ATP6V1H: variants seen among roughly 807,000 people sequenced by gnomAD.
ATP6V1H encodes V-type proton ATPase subunit H.
Under a neutral mutation model 71.7 loss-of-function variants are expected in ATP6V1H, and 39 were observed. That is an observed-to-expected ratio of 0.54 (90% CI 0.42 to 0.71). The LOEUF (loss-of-function observed/expected upper bound fraction) is 0.71. Ranked by LOEUF, ATP6V1H falls within the 30% of genes least tolerant of loss-of-function variation. The pLI is 0.00. For synonymous variants in ATP6V1H, 192 were observed against 199.3 expected, an observed-to-expected ratio of 0.96 and a Z score of 0.31; for missense variants, 509 against 594.9, an observed-to-expected ratio of 0.86 and a Z score of 1.50.
At chr8:53,770,117 A>G (rs1233307380) in intron 10 of ATP6V1H, among the ~76,000 whole-genome samples, 3 of 152,138 alleles carry the variant, frequency 2.0e-5, no homozygotes, top group Non-Finnish European at 4.4e-5. Context: ...AGGCAAAATA[A>G]TATGTTATGT....
At chr8:53,718,287 A>G (rs1806493747) in intron 13 of ATP6V1H, among the ~76,000 whole-genome samples, 1 of 152,248 alleles carries the variant, frequency 6.6e-6, no homozygotes, top group African/African-American at 2.4e-5. Context: ...GAGAACGTAA[A>G]GACACATGCA....
intron 12 of ATP6V1H, among the ~76,000 whole-genome samples, chr8:53,750,237 A>C (rs2130220308): frequency 6.6e-6 from 1 of 152,332 alleles, no homozygotes; most frequent in East Asian, 1.9e-4. Flanking sequence ...TTACGAAAAC[A>C]AGTAATTGGA....
At chr8:53,718,359 T>C (rs1030785156) in intron 13 of ATP6V1H, among the ~76,000 whole-genome samples, 8 of 151,590 alleles carry the variant, frequency 5.3e-5, no homozygotes, top group African/African-American at 1.9e-4. Context: ...AGATATAAAT[T>C]ACAGGTAACA....
At chr8:53,747,038 A>G (rs993329147) in intron 12 of ATP6V1H, among the ~76,000 whole-genome samples, 4 of 152,254 alleles carry the variant, frequency 2.6e-5, no homozygotes, top group Non-Finnish European at 5.9e-5. Flanking sequence ...ATGAAACCAA[A>G]AAATGTAATT....
At position 53,820,272 on chromosome 8, in the gene ATP6V1H, T is replaced by C. The variant is rs571885547; in HGVS notation, c.307-2742A>G. Among the ~76,000 whole-genome samples, 3 of 151,760 alleles carry C rather than the reference T, an allele frequency of 2.0e-5. No homozygotes were observed. The South Asian group carries it at 6.2e-4, about 32-fold the overall frequency. On this transcript the variant is annotated intron_variant, in intron 4 of 13. Coordinates refer to ENST00000359530, the MANE Select transcript of ATP6V1H (RefSeq NM_015941.4). ...AGCAGTCTTGGAAAGGCATCATTTT[T>C]GAGAGATAATAAGGTTTAAAAAAAA... is the stretch of plus-strand genomic sequence containing the variant.
Position 53,829,537 on chromosome 8 carries a change from A to C in ATP6V1H, c.217-4T>G. The C allele has an allele frequency of 6.6e-7, 1 of 1,507,526 alleles. No homozygotes were observed. The highest frequency in any genetic ancestry group is 9.0e-7 in the Non-Finnish European group (1 of 1,115,494). The allele number at this position is 1,507,526 out of a possible 1,614,324, so 93.4% of individuals were successfully genotyped here. ...GATTTATAAATGTTTTAGCACACTAAAAAAAAAAATGAAATTAAAGTTATT... is the reference window on the plus strand; with the variant it reads ...GATTTATAAATGTTTTAGCACACTACAAAAAAAAATGAAATTAAAGTTATT... On this transcript the variant is annotated splice_polypyrimidine_tract_variant and splice_region_variant and intron_variant, in intron 3 of 13. Coordinates refer to ENST00000359530, the MANE Select transcript of ATP6V1H (RefSeq NM_015941.4).
At chr8:53,817,382 T>A (rs1266299438) in intron 5 of ATP6V1H, 35 bp downstream of exon 5, 2 of 1,480,444 alleles carry the variant, frequency 1.4e-6, no homozygotes, top group Admixed American at 1.8e-5. Context: ...TTTAAAAAAA[T>A]TTTAAAAAAA....
chr8:53,781,831 G>T (rs1416426932), intron 9 of ATP6V1H, among the ~76,000 whole-genome samples: 3 of 152,002 alleles, frequency 2.0e-5, no homozygotes, highest in Non-Finnish European at 4.4e-5. Context: ...TGTCAGGTTT[G>T]TCAAAGATCA....
At chr8:53,756,390 T>A (rs1808064612) in intron 12 of ATP6V1H, 165 bp downstream of exon 12, 1 of 547,478 alleles carries the variant, frequency 1.8e-6, no homozygotes, top group East Asian at 3.0e-5. Context: ...CCTATACTAC[T>A]CATTTTTAAC....
chr8:53,840,389 T>C (rs1936785973), intron 2 of ATP6V1H, among the ~76,000 whole-genome samples: 6 of 151,596 alleles, frequency 4.0e-5, no homozygotes, highest in Admixed American at 3.9e-4. Flanking sequence ...TCCCAGCTAC[T>C]CGGGAGGCTG....
chr8:53,804,344 C>T (rs1490619057), intron 7 of ATP6V1H, among the ~76,000 whole-genome samples: 1 of 152,094 alleles, frequency 6.6e-6, no homozygotes, highest in African/African-American at 2.4e-5. Flanking sequence ...GAAGAGGAAT[C>T]CAAGACATAA....
chr8:53,789,552 T>A (rs1468847842), intron 9 of ATP6V1H, among the ~76,000 whole-genome samples: 1 of 152,084 alleles, frequency 6.6e-6, no homozygotes, highest in Non-Finnish European at 1.5e-5. Context: ...TTCTAAATAA[T>A]ACCTTTAAAA....
intron 9 of ATP6V1H, among the ~76,000 whole-genome samples, chr8:53,785,782 T>C (rs1262000849): frequency 6.6e-6 from 1 of 152,228 alleles, no homozygotes; most frequent in African/African-American, 2.4e-5. Context: ...TGCAGGTCTG[T>C]TGGAGTTCGC....
At chr8:53,768,163 C>G (rs1808532847) in intron 11 of ATP6V1H, among the ~76,000 whole-genome samples, 1 of 152,058 alleles carries the variant, frequency 6.6e-6, no homozygotes, top group Non-Finnish European at 1.5e-5. Flanking sequence ...ATACAAATGG[C>G]CAATAAGCAC....
chr8:53,731,183 C>T (rs1338564026), intron 13 of ATP6V1H, among the ~76,000 whole-genome samples: 2 of 152,000 alleles, frequency 1.3e-5, no homozygotes, highest in Non-Finnish European at 2.9e-5. Context: ...CACATCTCCA[C>T]CAACTCACTC....
intron 13 of ATP6V1H, 29 bp downstream of exon 13, chr8:53,743,548 A>T: frequency 6.6e-7 from 1 of 1,521,346 alleles, no homozygotes; most frequent in Non-Finnish European, 9.1e-7. Flanking sequence ...AGACTAATGT[A>T]CAAGTGTGAG....
At chr8:53,755,747 T>C in intron 12 of ATP6V1H, among the ~76,000 whole-genome samples, 2 of 20,280 alleles carry the variant, frequency 9.9e-5, no homozygotes, top group African/African-American at 4.9e-4. Context: ...TATATATATT[T>C]TTTTTTTTTT....
chr8:53,775,991 C>A lies in ATP6V1H; in HGVS notation c.871-3824G>T, dbSNP rs551307197. Among the ~76,000 whole-genome samples, 8 of 152,326 alleles carry A rather than the reference C, an allele frequency of 5.3e-5. No individual in the cohort carries two copies. In the South Asian group the frequency reaches 1.7e-3, roughly 32 times the overall value. On this transcript the variant is annotated intron_variant, in intron 9 of 13. Transcript: ENST00000359530. Reference sequence around the variant, plus strand: ...GAGGCTCAGGCTGCACAGGAACCCACGGAGGCGGGGAAGGCTCAGGCATGG... The same window carrying A: ...GAGGCTCAGGCTGCACAGGAACCCAAGGAGGCGGGGAAGGCTCAGGCATGG...
intron 9 of ATP6V1H, among the ~76,000 whole-genome samples, 162 bp downstream of exon 9, chr8:53,795,485 C>A (rs1454705061): frequency 6.6e-6 from 1 of 152,206 alleles, no homozygotes; most frequent in Non-Finnish European, 1.5e-5. Flanking sequence ...ACTGCCCACA[C>A]CATAAATACA....
Sources: allele counts gnomAD v4.1 joint callset (sites outside exome capture counted in the v4.1 genomes callset), GRCh38; gene constraint gnomAD v4.1.1; transcripts MANE v1.5; gene names NCBI Gene and HGNC (gene_info 2026-07-23, HGNC 2026-07-21).